PAMR1: variants seen among roughly 807,000 people sequenced by gnomAD.
The protein encoded by PAMR1 is inactive serine protease PAMR1.
In PAMR1, 88 loss-of-function variants were observed where a neutral mutation model predicts 81.8. The observed-to-expected ratio is 1.08, with a 90% CI of 0.91 to 1.28. The LOEUF (loss-of-function observed/expected upper bound fraction) is 1.28, where lower values mean the gene tolerates loss of function less well. Ranked by LOEUF, PAMR1 falls within the 50% of genes most tolerant of loss-of-function variation. The probability of loss-of-function intolerance (pLI) is 0.00; values close to 1 mark genes in which losing one functional copy is unlikely to be tolerated. For synonymous variants in PAMR1, 336 were observed against 345.3 expected, an observed-to-expected ratio of 0.97 and a Z score of 0.30; for missense variants, 935 against 919.7, an observed-to-expected ratio of 1.02 and a Z score of -0.21.
chr11:35,469,323 T>A (rs1475299723), intron 5 of PAMR1, among the ~76,000 whole-genome samples: 1 of 152,078 alleles, frequency 6.6e-6, no homozygotes, highest in Non-Finnish European at 1.5e-5. Context: ...CCAGGGGAGG[T>A]TGAGGAGGTC....
intron 6 of PAMR1, among the ~76,000 whole-genome samples, chr11:35,442,891 C>A (rs761654909): frequency 7.2e-5 from 11 of 152,104 alleles, no homozygotes; most frequent in Non-Finnish European, 1.5e-4. Context: ...GTGTAAGCCA[C>A]CATAACTGAC....
intron 4 of PAMR1, among the ~76,000 whole-genome samples, chr11:35,472,252 G>C (rs1229840964): frequency 6.6e-6 from 1 of 152,224 alleles, no homozygotes; most frequent in Non-Finnish European, 1.5e-5. Context: ...TGTCTTCAGA[G>C]TAAGGGAGAA....
chr11:35,492,022 G>A (rs1850635933), intron 3 of PAMR1, 23 bp downstream of exon 3: 4 of 1,600,128 alleles, frequency 2.5e-6, no homozygotes, highest in Non-Finnish European at 3.4e-6. Flanking sequence ...ACTAGAGATG[G>A]AGCTAGGTCA....
intron 4 of PAMR1, among the ~76,000 whole-genome samples, chr11:35,471,589 T>A (rs1349368654): frequency 2.0e-5 from 3 of 152,018 alleles, no homozygotes; most frequent in Non-Finnish European, 4.4e-5. Flanking sequence ...GCAACGATAA[T>A]TCTCACCCAA....
At chr11:35,500,474 TAG>T (rs1357943473) in intron 1 of PAMR1, among the ~76,000 whole-genome samples, 1 of 152,178 alleles carries the variant, frequency 6.6e-6, no homozygotes, top group Non-Finnish European at 1.5e-5. Flanking sequence ...CACAGTTCAA[TAG>T]AGAAGACATT....
At chr11:35,457,507 C>A (rs199655855) in intron 6 of PAMR1, among the ~76,000 whole-genome samples, 1 of 148,376 alleles carries the variant, frequency 6.7e-6, no homozygotes, top group Non-Finnish European at 1.5e-5. Flanking sequence ...TGTGTGTATA[C>A]ACATATTTAT....
chr11:35,491,946 C>A, intron 3 of PAMR1, 99 bp downstream of exon 3: 1 of 1,158,068 alleles, frequency 8.6e-7, no homozygotes. Flanking sequence ...TGCAGGCTTT[C>A]CAAAACTCAG....
At chr11:35,495,958 C>G (rs140708190) in intron 1 of PAMR1, among the ~76,000 whole-genome samples, 1 of 152,242 alleles carries the variant, frequency 6.6e-6, no homozygotes, top group East Asian at 1.9e-4. Flanking sequence ...CAGAAAAGAT[C>G]CTTACATTGG....
At chr11:35,475,063 C>T (rs1480187143) in intron 3 of PAMR1, among the ~76,000 whole-genome samples, 3 of 152,128 alleles carry the variant, frequency 2.0e-5, no homozygotes, top group African/African-American at 7.2e-5. Flanking sequence ...AAGACTCAAA[C>T]CTAACTGTGT....
chr11:35,507,125 C>T (rs1419528258), intron 1 of PAMR1, among the ~76,000 whole-genome samples: 2 of 142,066 alleles, frequency 1.4e-5, no homozygotes, highest in African/African-American at 5.3e-5. Flanking sequence ...CAGCTCACTG[C>T]AACCTCTGCC....
At chr11:35,470,988 G>C (rs532400601) in intron 4 of PAMR1, among the ~76,000 whole-genome samples, 170 bp from the exon 5 acceptor site, 2 of 152,310 alleles carry the variant, frequency 1.3e-5, no homozygotes, top group African/African-American at 4.8e-5. Context: ...CTTAGCAGAG[G>C]AGTATGTATT....
intron 7 of PAMR1, among the ~76,000 whole-genome samples, chr11:35,440,541 T>C (rs574570363): frequency 6.6e-6 from 1 of 152,268 alleles, no homozygotes; most frequent in East Asian, 1.9e-4. Context: ...AAGACAATTA[T>C]CCGGATAATC....
intron 1 of PAMR1, among the ~76,000 whole-genome samples, chr11:35,523,986 C>T (rs1851334533): frequency 6.6e-6 from 1 of 152,144 alleles, no homozygotes; most frequent in Non-Finnish European, 1.5e-5. Context: ...AAGCGCCTCA[C>T]CTGCCATGTA....
chr11:35,454,038 TG>T (rs1414646494), intron 6 of PAMR1, among the ~76,000 whole-genome samples: 3 of 152,236 alleles, frequency 2.0e-5, no homozygotes, highest in African/African-American at 7.2e-5. Context: ...TTCTTATTTT[TG>T]TTTTTTTTCC....
chr11:35,496,141 T>A (rs557939012), intron 1 of PAMR1, among the ~76,000 whole-genome samples: 3 of 152,294 alleles, frequency 2.0e-5, no homozygotes, highest in African/African-American at 7.2e-5. Flanking sequence ...GATGAGAATT[T>A]AATGGTTAAA....
In PAMR1 at chr11:35,441,689, A is replaced by G; in HGVS notation, c.825T>C (p.Leu275=). Reference sequence around the variant, plus strand: ...CAGGGTCTGAGCAGTTTCTTTCTTCAAGGACTAAAAGAAAGTAAAAGAAAA... The same window carrying G: ...CAGGGTCTGAGCAGTTTCTTTCTTCGAGGACTAAAAGAAAGTAAAAGAAAA... ...GYTGQRCENL[L]EERNCSDPGG... The change falls in exon 7 of 11, where the codon CTT becomes CTC. Residue 275 remains leucine (L), a synonymous_variant. Coordinates refer to ENST00000619888, the MANE Select transcript of PAMR1 (RefSeq NM_001001991.3). 1 of 1,591,424 alleles carries G rather than the reference A, an allele frequency of 6.3e-7. No homozygotes were observed. Among genetic ancestry groups the G allele is most frequent in the Non-Finnish European group, 8.5e-7 (1 of 1,169,870 alleles).
intron 6 of PAMR1, among the ~76,000 whole-genome samples, chr11:35,450,386 A>G (rs183990315): frequency 7.5e-4 from 114 of 152,268 alleles, no homozygotes; most frequent in Non-Finnish European, 1.4e-3. Flanking sequence ...CATTTTATTA[A>G]TAAGTATAAA....
intron 2 of PAMR1, among the ~76,000 whole-genome samples, chr11:35,492,737 C>G (rs1219472460): frequency 6.6e-6 from 1 of 152,180 alleles, no homozygotes; most frequent in Non-Finnish European, 1.5e-5. Context: ...AAACAACTCT[C>G]CTGTCTAACA....
intron 10 of PAMR1, among the ~76,000 whole-genome samples, chr11:35,433,733 T>TA (rs1855961888): frequency 1.2e-5 from 1 of 85,264 alleles, no homozygotes; most frequent in Non-Finnish European, 2.8e-5. Context: ...GAGAGATGGA[T>TA]GGATGGATGG....
Sources: gnomAD v4.1 joint callset for allele counts (sites outside exome capture counted in the v4.1 genomes callset) on GRCh38, gnomAD v4.1.1 for gene constraint, MANE v1.5 for transcripts, NCBI Gene and HGNC (gene_info 2026-07-23, HGNC 2026-07-21) for gene names.